The following SDK1 variants were observed in gnomAD, a reference collection of about 807,000 sequenced individuals.
The protein encoded by SDK1 is sidekick cell adhesion molecule 1, also known as protein sidekick-1.
A neutral mutation model predicts 245.5 loss-of-function variants in SDK1; 157 were observed. The observed-to-expected ratio is 0.64, with a 90% CI of 0.56 to 0.73. The LOEUF (loss-of-function observed/expected upper bound fraction) is 0.73. Ranked by LOEUF, SDK1 falls within the 30% of genes least tolerant of loss-of-function variation. The probability of loss-of-function intolerance (pLI) is 0.00; values close to 1 mark genes in which losing one functional copy is unlikely to be tolerated. For synonymous variants in SDK1, 1,647 were observed against 1,278.5 expected (o/e 1.29, Z -6.15); for missense variants, 3,583 against 3,002.3 (o/e 1.19, Z -4.52).
chr7:4,145,820 G>A lies in SDK1; in HGVS notation c.4327G>A (p.Ala1443Thr), dbSNP rs1228292458. ...GAGGCAGTTCACAGCCACCGACCTG[G>A]CCCCGGAGTCCGCATACATCTTCAG... Reference protein sequence around the residue: ...TVRQFTATDLAPESAYIFRLS... With the variant: ...TVRQFTATDLTPESAYIFRLS... The change falls in exon 29 of 45, where the codon GCC (alanine) becomes ACC (threonine). Residue 1443 changes from alanine to threonine, a missense_variant. Transcript: ENST00000404826. The A allele has an allele frequency of 1.9e-6, 3 of 1,613,742 alleles. No individual in the cohort carries two copies. The highest frequency in any genetic ancestry group is 2.2e-5 in the East Asian group (1 of 44,852).
intron 4 of SDK1, among the ~76,000 whole-genome samples, chr7:3,677,527 T>C (rs752049131): frequency 8.5e-5 from 13 of 152,158 alleles, no homozygotes; most frequent in Non-Finnish European, 1.3e-4. Flanking sequence ...GTGAGACTTA[T>C]TCACTACCAC....
chr7:3,649,179 C>A (rs75200840), intron 4 of SDK1, among the ~76,000 whole-genome samples: 1 of 152,070 alleles, frequency 6.6e-6, no homozygotes, highest in Non-Finnish European at 1.5e-5. Context: ...CGTGCTGCCA[C>A]GCTGAGAAGA....
intron 1 of SDK1, among the ~76,000 whole-genome samples, chr7:3,509,922 C>A (rs1389951742): frequency 6.6e-6 from 1 of 152,120 alleles, no homozygotes. Flanking sequence ...TATACAGATG[C>A]CAGGGCTTCA....
At position 3,661,024 on chromosome 7, in the gene SDK1, T is replaced by G. The variant is rs533083227; in HGVS notation, c.713+18919T>G. 1.5e-3 allele frequency among the ~76,000 whole-genome samples: 227 copies of G among 152,310 alleles called. 1 individual carries two copies. Among genetic ancestry groups the G allele is most frequent in the Middle Eastern group, 3.4e-3 (1 of 294 alleles). The stretch of plus-strand genomic sequence containing the variant: ...TTTTGGTATTTAGAAATTACTTATG[T>G]GAAGCCTGTCCGTGTTCATGGTCAT... On this transcript the variant is annotated intron_variant, in intron 4 of 44. Transcript: ENST00000404826.
chr7:3,990,925 C>A (rs549125342), intron 14 of SDK1, among the ~76,000 whole-genome samples: 1 of 152,194 alleles, frequency 6.6e-6, no homozygotes, highest in African/African-American at 2.4e-5. Flanking sequence ...AAGCAGGTTT[C>A]GTGTGTAACT....
chr7:3,993,582 G>A (rs1289071348), intron 14 of SDK1, among the ~76,000 whole-genome samples: 2 of 152,122 alleles, frequency 1.3e-5, no homozygotes, highest in African/African-American at 4.8e-5. Flanking sequence ...TATGCATGCT[G>A]ATTAATAAAA....
intron 18 of SDK1, among the ~76,000 whole-genome samples, chr7:4,050,596 C>G (rs1475815646): frequency 6.6e-6 from 1 of 152,136 alleles, no homozygotes; most frequent in African/African-American, 2.4e-5. Context: ...GTAATGCTGC[C>G]AAAACATGAA....
At chr7:4,137,054 C>T (rs548462193) in intron 28 of SDK1, among the ~76,000 whole-genome samples, 4 of 152,210 alleles carry the variant, frequency 2.6e-5, no homozygotes, top group African/African-American at 4.8e-5. Context: ...GAGTCATGAG[C>T]GCTGGGGTCC....
chr7:3,674,556 T>G (rs1182222974), intron 4 of SDK1, among the ~76,000 whole-genome samples: 1 of 151,980 alleles, frequency 6.6e-6, no homozygotes, highest in African/African-American at 2.4e-5. Context: ...TAGTGTGGAG[T>G]AAGAGCTGTT....
chr7:3,751,943 A>G lies in SDK1; in HGVS notation c.714-69507A>G, dbSNP rs76212876. ...TGAAACATTACAAACAATGGGGAAG[A>G]GACGAAAGATAGTGTTTCATGGGAG... On this transcript the variant is annotated intron_variant, in intron 4 of 44. Transcript: ENST00000404826. Among the ~76,000 whole-genome samples, 17 of 152,356 alleles carry G rather than the reference A, an allele frequency of 1.1e-4. No individual in the cohort carries two copies. The East Asian group carries it at 3.3e-3, about 29-fold the overall frequency.
chr7:3,516,022 G>A (rs926762056), intron 1 of SDK1, among the ~76,000 whole-genome samples: 1 of 151,770 alleles, frequency 6.6e-6, no homozygotes. Context: ...CATCAGATGA[G>A]AGCTAAAGTG....
intron 4 of SDK1, among the ~76,000 whole-genome samples, chr7:3,645,221 A>C (rs541901745): frequency 6.6e-6 from 1 of 152,346 alleles, no homozygotes; most frequent in Admixed American, 6.5e-5. Flanking sequence ...AGATGCTAGA[A>C]GGGCTTTAAC....
At chr7:3,836,911 C>G (rs1583463207) in intron 5 of SDK1, among the ~76,000 whole-genome samples, 1 of 152,300 alleles carries the variant, frequency 6.6e-6, no homozygotes, top group Non-Finnish European at 1.5e-5. Context: ...GCCTCCCTTC[C>G]TGGCTCTTAG....
chr7:4,133,833 G>GA (rs1785025261), intron 28 of SDK1, among the ~76,000 whole-genome samples: 1 of 152,192 alleles, frequency 6.6e-6, no homozygotes, highest in Non-Finnish European at 1.5e-5. Flanking sequence ...CAGACACCCC[G>GA]ATTCGGCTAG....
chr7:3,593,330 C>T (rs1780946320), intron 1 of SDK1, among the ~76,000 whole-genome samples: 1 of 152,138 alleles, frequency 6.6e-6, no homozygotes, highest in Admixed American at 6.5e-5. Flanking sequence ...CAAGGTGGGG[C>T]TGTTTCTCAA....
chr7:3,800,878 C>G (rs1249873592), intron 4 of SDK1, among the ~76,000 whole-genome samples: 1 of 152,152 alleles, frequency 6.6e-6, no homozygotes, highest in Non-Finnish European at 1.5e-5. Flanking sequence ...CAGCCTGGCC[C>G]AGTTTTTGTC....
intron 4 of SDK1, among the ~76,000 whole-genome samples, chr7:3,766,500 C>T (rs1780257582): frequency 6.6e-6 from 1 of 152,098 alleles, no homozygotes; most frequent in African/African-American, 2.4e-5. Context: ...GGTAATTGTA[C>T]CTACTTAATA....
At chr7:3,798,785 A>C (rs1779032198) in intron 4 of SDK1, among the ~76,000 whole-genome samples, 1 of 152,308 alleles carries the variant, frequency 6.6e-6, no homozygotes, top group Non-Finnish European at 1.5e-5. Flanking sequence ...TCCTACTAGA[A>C]GGAGAAGTGT....
At chr7:3,629,434 A>C (rs575374748) in intron 2 of SDK1, among the ~76,000 whole-genome samples, 2 of 152,322 alleles carry the variant, frequency 1.3e-5, no homozygotes, top group Admixed American at 6.5e-5. Flanking sequence ...AAACTACCCC[A>C]GGCAAGGGAA....
Sources: gnomAD v4.1 joint callset for allele counts (sites outside exome capture counted in the v4.1 genomes callset) on GRCh38, gnomAD v4.1.1 for gene constraint, MANE v1.5 for transcripts, NCBI Gene and HGNC (gene_info 2026-07-23, HGNC 2026-07-21) for gene names.